Variants in MCTP1 observed in about 807,000 individuals in gnomAD.
MCTP1 encodes multiple C2 and transmembrane domain-containing protein 1.
In MCTP1, 69 loss-of-function variants were observed where a neutral mutation model predicts 120.6. The observed-to-expected ratio is 0.57, with a 90% CI of 0.47 to 0.70. The LOEUF is 0.70. MCTP1 is among the 30% of genes least tolerant of loss of function. MCTP1 has a pLI of 0.00. For missense variants in MCTP1, 1,203 were observed against 1,248.8 expected, an observed-to-expected ratio of 0.96 and a Z score of 0.55; for synonymous variants, 529 against 493.1, an observed-to-expected ratio of 1.07 and a Z score of -0.96.
intron 1 of MCTP1, among the ~76,000 whole-genome samples, chr5:95,245,873 A>G (rs1756711180): frequency 1.3e-5 from 2 of 152,188 alleles, no homozygotes; most frequent in African/African-American, 4.8e-5. Flanking sequence ...CAAGACACAT[A>G]ATTGTCAAAT....
At chr5:94,930,817 A>G (rs1264607870) in intron 6 of MCTP1, 1 of 152,182 alleles carries the variant, frequency 6.6e-6, no homozygotes, top group Non-Finnish European at 1.5e-5. Context: ...AAAGTAATAC[A>G]AATATGAACA....
Position 95,073,012 on chromosome 5 carries a change from G to T in MCTP1, c.721-55528C>A, listed in dbSNP as rs147971753. 5.9e-4 allele frequency among the ~76,000 whole-genome samples: 89 copies of T among 151,914 alleles called. 2 individuals carry two copies. Among genetic ancestry groups the T allele is most frequent in the African/African-American group, 1.9e-3 (78 of 41,452 alleles). On this transcript the variant is annotated intron_variant, in intron 1 of 22. Transcript: ENST00000515393. ...CGTTCGCCTTGGCCTCCCAAAGTGCGCTTAGCAACTATTTTCACTGGAGAT... is the reference window on the plus strand; with the variant it reads ...CGTTCGCCTTGGCCTCCCAAAGTGCTCTTAGCAACTATTTTCACTGGAGAT...
At position 95,098,502 on chromosome 5, in the gene MCTP1, G is replaced by T. The variant is rs1183336426; in HGVS notation, c.721-81018C>A. Among the ~76,000 whole-genome samples the T allele has an allele frequency of 4.6e-5, 7 of 152,166 alleles. No homozygotes were observed. The East Asian group carries it at 7.7e-4, about 17-fold the overall frequency. Reference sequence around the variant, plus strand: ...ACAGACAAACAGAGAGCCAAATCATGAGTGAACTCCCATTCACAATTGCTT... The same window carrying T: ...ACAGACAAACAGAGAGCCAAATCATTAGTGAACTCCCATTCACAATTGCTT... On this transcript the variant is annotated intron_variant, in intron 1 of 22. Transcript: ENST00000515393.
intron 1 of MCTP1, among the ~76,000 whole-genome samples, chr5:95,177,350 G>A (rs762213942): frequency 4.1e-4 from 63 of 152,094 alleles, no homozygotes; most frequent in Non-Finnish European, 7.2e-4. Flanking sequence ...TATGATCTCC[G>A]GTTTAATACT....
At chr5:94,903,657 T>C (rs1050305417) in intron 10 of MCTP1, among the ~76,000 whole-genome samples, 1 of 152,210 alleles carries the variant, frequency 6.6e-6, no homozygotes, top group Admixed American at 6.5e-5. Context: ...AGCATTTAGT[T>C]GTCATGGGTA....
At chr5:94,940,717 AAATT>A (rs1265991065) in intron 4 of MCTP1, among the ~76,000 whole-genome samples, 1 of 150,960 alleles carries the variant, frequency 6.6e-6, no homozygotes, top group African/African-American at 2.4e-5. Context: ...TTACATACAA[AAATT>A]AATAGAAAAA....
At chr5:95,060,599 G>T (rs566989828) in intron 1 of MCTP1, among the ~76,000 whole-genome samples, 1 of 152,194 alleles carries the variant, frequency 6.6e-6, no homozygotes, top group East Asian at 1.9e-4. Context: ...AATTATCATC[G>T]TCTGTTGCTA....
At chr5:94,953,779 A>G (rs1178488911) in intron 2 of MCTP1, among the ~76,000 whole-genome samples, 4 of 145,532 alleles carry the variant, frequency 2.7e-5, no homozygotes, top group African/African-American at 1.0e-4. Context: ...ATGCCATGAT[A>G]TATATATTCC....
chr5:94,736,894 C>T (rs1580388117), intron 19 of MCTP1, among the ~76,000 whole-genome samples: 1 of 152,194 alleles, frequency 6.6e-6, no homozygotes, highest in Non-Finnish European at 1.5e-5. Flanking sequence ...CATTGAGAGT[C>T]TACTCTGTAC....
intron 1 of MCTP1, among the ~76,000 whole-genome samples, chr5:95,221,497 T>G (rs1014664360): frequency 1.3e-5 from 2 of 152,136 alleles, no homozygotes; most frequent in African/African-American, 4.8e-5. Context: ...CTTCCCATGG[T>G]GACAAATGGG....
intron 19 of MCTP1, among the ~76,000 whole-genome samples, chr5:94,752,403 A>G (rs2152809210): frequency 6.6e-6 from 1 of 152,076 alleles, no homozygotes; most frequent in East Asian, 1.9e-4. Context: ...GTATCCTGAA[A>G]TAAGTATGCC....
intron 1 of MCTP1, among the ~76,000 whole-genome samples, chr5:95,129,731 C>T (rs538820463): frequency 1.3e-5 from 2 of 152,028 alleles, no homozygotes; most frequent in East Asian, 1.9e-4. Flanking sequence ...GCAATCTTGG[C>T]TCACTGCAAC....
chr5:94,731,190 T>C (rs559575645), intron 19 of MCTP1, among the ~76,000 whole-genome samples: 1 of 152,164 alleles, frequency 6.6e-6, no homozygotes, highest in Non-Finnish European at 1.5e-5. Context: ...TAAGATTGTT[T>C]TGAGTTTAAT....
rs766270926 is a variant in MCTP1, at chr5:95,284,249, G to T, written c.327C>A (p.Pro109=). 3 of 1,587,330 alleles carry T rather than the reference G, an allele frequency of 1.9e-6. No individual in the cohort carries two copies. In the South Asian group the frequency reaches 3.3e-5, roughly 18 times the overall value. ...CCTGCTCGGCTCTGCCGGCGCCGCC[G>T]GGCTCCAGGGGCTCCGGCGACGAGC... is the stretch of plus-strand genomic sequence containing the variant. ...LCCSSPEPLE[P]GGAGRAEQGS... The change falls in exon 1 of 23, where the codon CCC becomes CCA. Residue 109 remains proline, a synonymous_variant. Transcript: ENST00000515393. The surrounding 1 kb of genome is among the most constrained non-coding windows in gnomAD (Gnocchi z 5.2).
chr5:94,808,144 C>A (rs2153054021), intron 17 of MCTP1, among the ~76,000 whole-genome samples: 1 of 152,174 alleles, frequency 6.6e-6, no homozygotes, highest in South Asian at 2.1e-4. Flanking sequence ...TCTTCAGAAC[C>A]TAGTCTTCTG....
At chr5:94,975,254 G>C (rs374810176) in intron 2 of MCTP1, among the ~76,000 whole-genome samples, 5 of 152,048 alleles carry the variant, frequency 3.3e-5, no homozygotes, top group African/African-American at 1.2e-4. Context: ...TGCCAAATTC[G>C]TAGGCTGAAA....
chr5:95,182,083 G>C (rs1748662108), intron 1 of MCTP1, among the ~76,000 whole-genome samples: 1 of 152,178 alleles, frequency 6.6e-6, no homozygotes, highest in African/African-American at 2.4e-5. Context: ...AGAAATATCT[G>C]ACCATGGGAA....
At chr5:94,825,354 A>T (rs989089165) in intron 17 of MCTP1, among the ~76,000 whole-genome samples, 2 of 152,024 alleles carry the variant, frequency 1.3e-5, no homozygotes, top group Non-Finnish European at 2.9e-5. Flanking sequence ...CAGTTTTTGA[A>T]TGAGTTTCTT....
chr5:95,272,063 A>G (rs1309904827), intron 1 of MCTP1, among the ~76,000 whole-genome samples: 2 of 152,158 alleles, frequency 1.3e-5, no homozygotes, highest in South Asian at 4.1e-4. Context: ...GTGGAAGAAT[A>G]TTGGCATTCT....
Sources: allele counts gnomAD v4.1 joint callset (sites outside exome capture counted in the v4.1 genomes callset), GRCh38; gene constraint gnomAD v4.1.1; non-coding constraint Gnocchi (gnomAD v3.1); transcripts MANE v1.5; gene names NCBI Gene and HGNC (gene_info 2026-07-23, HGNC 2026-07-21).